PLA2G4E: variants seen among roughly 807,000 people sequenced by gnomAD.
PLA2G4E encodes the protein phospholipase A2 group IVE.
A neutral mutation model predicts 109.1 loss-of-function variants in PLA2G4E; 84 were observed. The ratio of observed to expected loss-of-function variants is 0.77; its 90% confidence interval spans 0.65 to 0.92. PLA2G4E has a LOEUF of 0.92. Ranked by LOEUF, PLA2G4E falls within the 40% of genes least tolerant of loss-of-function variation. The probability of loss-of-function intolerance (pLI) is 0.00; values close to 1 mark genes in which losing one functional copy is unlikely to be tolerated. For missense variants in PLA2G4E, 1,057 were observed against 1,076.6 expected (o/e 0.98, Z 0.25); for synonymous variants, 469 against 436.1 (o/e 1.08, Z -0.94).
At chr15:41,987,940 C>A (rs899632328) in intron 16 of PLA2G4E, 109 bp downstream of exon 16, 2 of 562,964 alleles carry the variant, frequency 3.6e-6, no homozygotes, top group South Asian at 2.2e-5. Context: ...GGCCGCCCCC[C>A]ATCACCCAGC....
chr15:42,043,159 G>A (rs4924612), intron 1 of PLA2G4E, among the ~76,000 whole-genome samples: 65,504 of 151,938 alleles, frequency 0.43, 15,944 homozygotes, highest in Admixed American at 0.57. Flanking sequence ...TTGAGAGTCT[G>A]TTACTCTCCA....
At chr15:42,050,609 C>T in exon 1 of PLA2G4E, 2 of 1,550,626 alleles carry the variant, frequency 1.3e-6, no homozygotes, top group Non-Finnish European at 1.7e-6. Flanking sequence ...GAAACTTCTT[C>T]CTGACCTGCT....
intron 1 of PLA2G4E, among the ~76,000 whole-genome samples, chr15:42,033,956 G>A (rs1237255373): frequency 6.6e-6 from 1 of 152,054 alleles, no homozygotes; most frequent in Non-Finnish European, 1.5e-5. Flanking sequence ...GGATTGGGTG[G>A]AGTGGGAGAG....
rs2068382865 is a variant in PLA2G4E, at chr15:41,998,961, G to A, written c.974+563C>T. On this transcript the variant is annotated intron_variant, in intron 10 of 19. Coordinates refer to ENST00000399518, the Ensembl canonical transcript of PLA2G4E. ...CCAGCTACTGGGGAGGCTGAGGCAG[G>A]AGAATCGCTTAACCCAGGAGACAGA... 3 of 152,238 alleles carry A rather than the reference G, an allele frequency of 2.0e-5. No homozygotes were observed. The South Asian group carries it at 6.2e-4, about 32-fold the overall frequency. The allele number at this position is 152,238 out of a possible 1,614,324, so 9.4% of individuals were successfully genotyped here.
chr15:41,990,328 ACTTCC>A, intron 13 of PLA2G4E, 93 bp from the exon 14 acceptor site: 1 of 1,126,532 alleles, frequency 8.9e-7, no homozygotes, highest in Non-Finnish European at 1.3e-6. Flanking sequence ...CCCCGCAGCC[ACTTCC>A]TGGCTCCTGA....
exon 18 of PLA2G4E, chr15:41,985,896 T>G (rs936783915): frequency 1.2e-6 from 2 of 1,610,806 alleles, no homozygotes; most frequent in African/African-American, 2.7e-5. Flanking sequence ...CTTTTCGCTC[T>G]GGCCTGAGGA....
chr15:42,049,060 GAC>G (rs1390921440), intron 1 of PLA2G4E, among the ~76,000 whole-genome samples: 2 of 152,216 alleles, frequency 1.3e-5, no homozygotes, highest in African/African-American at 4.8e-5. Context: ...TAGCCGATGA[GAC>G]ACAGAGACTT....
chr15:41,988,235 C>T (rs11070355), intron 15 of PLA2G4E, 79 bp from the exon 16 acceptor site: 36 of 846,406 alleles, frequency 4.3e-5, no homozygotes, highest in Non-Finnish European at 5.8e-5. Context: ...CCACTCCCCC[C>T]ACCCCCCCAC....
chr15:42,007,947 C>T, intron 2 of PLA2G4E, 82 bp from the exon 3 acceptor site: 3 of 1,449,512 alleles, frequency 2.1e-6, no homozygotes, highest in Non-Finnish European at 2.8e-6. Context: ...CAAGCCTCTT[C>T]CAGAGCCAGG....
intron 13 of PLA2G4E, 91 bp from the exon 14 acceptor site, chr15:41,990,326 C>T: frequency 8.6e-7 from 1 of 1,157,208 alleles, no homozygotes; most frequent in Non-Finnish European, 1.3e-6. Context: ...ACCCCCGCAG[C>T]CACTTCCTGG....
intron 1 of PLA2G4E, among the ~76,000 whole-genome samples, chr15:42,041,378 C>T (rs991825205): frequency 6.6e-6 from 1 of 152,136 alleles, no homozygotes; most frequent in African/African-American, 2.4e-5. Flanking sequence ...TCGCACCCAC[C>T]GATGTATCCA....
At chr15:41,986,400 AGAG>A (rs2068142500) in intron 17 of PLA2G4E, among the ~76,000 whole-genome samples, 1 of 152,206 alleles carries the variant, frequency 6.6e-6, no homozygotes, top group Non-Finnish European at 1.5e-5. Flanking sequence ...CCTCAGCAGC[AGAG>A]GAGGCGGCAC....
At chr15:42,034,738 C>G (rs1416630207) in intron 1 of PLA2G4E, among the ~76,000 whole-genome samples, 1 of 152,072 alleles carries the variant, frequency 6.6e-6, no homozygotes, top group East Asian at 1.9e-4. Flanking sequence ...TCTTTGTCAC[C>G]ATGTGGAAGG....
intron 17 of PLA2G4E, chr15:41,986,769 C>A: frequency 4.8e-6 from 1 of 210,002 alleles, no homozygotes; most frequent in Non-Finnish European, 9.6e-6. Flanking sequence ...GATTCTCCAG[C>A]CTCGGCCTCC....
At chr15:42,012,580 G>A (rs1295975631) in intron 2 of PLA2G4E, among the ~76,000 whole-genome samples, 2 of 152,114 alleles carry the variant, frequency 1.3e-5, no homozygotes, top group Non-Finnish European at 2.9e-5. Context: ...GGGCTCCCAA[G>A]GCCTCTGGAT....
intron 3 of PLA2G4E, among the ~76,000 whole-genome samples, chr15:42,007,417 G>T (rs930372720): frequency 2.0e-5 from 3 of 152,190 alleles, no homozygotes; most frequent in African/African-American, 7.2e-5. Context: ...TTCACTCTGT[G>T]TATTCCCCTG....
intron 11 of PLA2G4E, among the ~76,000 whole-genome samples, chr15:41,996,350 GAAAAAAAAAAA>G (rs34559872): frequency 2.4e-4 from 18 of 75,102 alleles, no homozygotes; most frequent in South Asian, 6.2e-4. Context: ...CCTGTCTCAA[GAAAAAAAAAAA>G]AAAAAAAAAA....
At chr15:42,043,401 T>G (rs577175216) in intron 1 of PLA2G4E, among the ~76,000 whole-genome samples, 2 of 151,376 alleles carry the variant, frequency 1.3e-5, no homozygotes, top group East Asian at 3.9e-4. Flanking sequence ...TCAGGACCTG[T>G]GGGTGGCCAT....
At chr15:41,989,614 G>GC (rs151143131) in intron 14 of PLA2G4E, 62 bp from the exon 15 acceptor site, 16 of 1,547,438 alleles carry the variant, frequency 1.0e-5, no homozygotes, top group African/African-American at 1.4e-5. Flanking sequence ...ACACAGCCGG[G>GC]CCCCCCTCCT....
Sources: allele counts gnomAD v4.1 joint callset (sites outside exome capture counted in the v4.1 genomes callset), GRCh38; gene constraint gnomAD v4.1.1; transcripts MANE v1.5; gene names NCBI Gene and HGNC (gene_info 2026-07-23, HGNC 2026-07-21).